SAMD5: variants seen among roughly 807,000 people sequenced by gnomAD.
SAMD5 encodes sterile alpha motif domain-containing protein 5.
In SAMD5, 13 loss-of-function variants were observed where a neutral mutation model predicts 11.3. The observed-to-expected ratio is 1.15, with a 90% CI of 0.75 to 1.83. The LOEUF (loss-of-function observed/expected upper bound fraction) is 1.83. Among genes scored for constraint, SAMD5 ranks in the 40% most tolerant of loss-of-function variants. The probability of loss-of-function intolerance (pLI) is 0.00; values close to 1 mark genes in which losing one functional copy is unlikely to be tolerated. For synonymous variants in SAMD5, 129 were observed against 111.3 expected, an observed-to-expected ratio of 1.16 and a Z score of -1.00; for missense variants, 255 against 239.1, an observed-to-expected ratio of 1.07 and a Z score of -0.44.
chr6:147,516,847 C>T (rs1788178896), intron 1 of SAMD5, among the ~76,000 whole-genome samples: 1 of 152,166 alleles, frequency 6.6e-6, no homozygotes, highest in Non-Finnish European at 1.5e-5. Context: ...TCAAAATTAG[C>T]AGCTTTGGGG....
At chr6:147,686,436 TA>T (rs1791013028) in intron 1 of SAMD5, among the ~76,000 whole-genome samples, 1 of 152,180 alleles carries the variant, frequency 6.6e-6, no homozygotes. Flanking sequence ...CATATGGAAT[TA>T]TTTTTTGTAT....
the SAMD5 span, among the ~76,000 whole-genome samples, chr6:147,883,165 G>T: frequency 6.6e-6 from 1 of 152,208 alleles, no homozygotes. Context: ...GGTTTTCCGT[G>T]ATTGAATGTA....
chr6:147,938,372 G>A, the SAMD5 span, among the ~76,000 whole-genome samples: 2 of 152,198 alleles, frequency 1.3e-5, no homozygotes, highest in Admixed American at 6.5e-5. Context: ...CTGATATTTA[G>A]TGAGTACCTC....
At chr6:147,697,089 C>T (rs1483162724) in intron 1 of SAMD5, among the ~76,000 whole-genome samples, 1 of 152,116 alleles carries the variant, frequency 6.6e-6, no homozygotes, top group African/African-American at 2.4e-5. Context: ...TCTGAGGTCC[C>T]TTTTGGGAGG....
intron 1 of SAMD5, among the ~76,000 whole-genome samples, chr6:147,640,950 C>T (rs188377853): frequency 7.2e-5 from 11 of 152,292 alleles, no homozygotes; most frequent in African/African-American, 2.6e-4. Flanking sequence ...TCCTCACCTC[C>T]TCAAAAATCC....
the SAMD5 span, among the ~76,000 whole-genome samples, chr6:147,894,937 C>T: frequency 8.5e-4 from 130 of 152,202 alleles, no homozygotes; most frequent in African/African-American, 2.6e-3. Context: ...ATTAGCATTT[C>T]GGTAATAGGA....
At chr6:147,882,219 A>T in the SAMD5 span, among the ~76,000 whole-genome samples, 5 of 152,124 alleles carry the variant, frequency 3.3e-5, no homozygotes, top group African/African-American at 1.2e-4. Flanking sequence ...ATAGAGTTAG[A>T]TATTATCTTG....
chr6:147,641,583 T>TC (rs1390114082), intron 1 of SAMD5, among the ~76,000 whole-genome samples: 9 of 151,722 alleles, frequency 5.9e-5, no homozygotes, highest in Non-Finnish European at 1.3e-4. Flanking sequence ...TTTTTTTTTT[T>TC]TGCTCAAAAG....
the SAMD5 span, among the ~76,000 whole-genome samples, chr6:147,768,508 AAAC>A: frequency 8.5e-5 from 13 of 152,256 alleles, no homozygotes; most frequent in East Asian, 5.8e-4. Flanking sequence ...AAACAAAACA[AAAC>A]AACAACAACA....
intron 1 of SAMD5, among the ~76,000 whole-genome samples, chr6:147,610,181 A>G (rs1289306556): frequency 3.3e-5 from 5 of 152,184 alleles, no homozygotes. Flanking sequence ...TTACATTTAT[A>G]TGTGAAAAGT....
intron 1 of SAMD5, among the ~76,000 whole-genome samples, chr6:147,678,808 G>T (rs913903250): frequency 2.6e-5 from 4 of 152,048 alleles, no homozygotes; most frequent in Non-Finnish European, 4.4e-5. Flanking sequence ...CTTTAATGAG[G>T]TATACTTGTC....
intron 1 of SAMD5, among the ~76,000 whole-genome samples, chr6:147,722,566 C>T (rs1222000091): frequency 6.6e-6 from 1 of 152,052 alleles, no homozygotes; most frequent in East Asian, 1.9e-4. Context: ...TGTTCATTTC[C>T]CTATATATTT....
At chr6:147,530,472 G>C (rs1338930269) in intron 1 of SAMD5, among the ~76,000 whole-genome samples, 1 of 152,234 alleles carries the variant, frequency 6.6e-6, no homozygotes, top group East Asian at 1.9e-4. Flanking sequence ...GGAGCACAAA[G>C]GGAAGCAGCC....
chr6:147,567,586 TTACACCCACA>T lies in SAMD5; in HGVS notation c.*3135_*3144del, dbSNP rs541138748. The T allele has an allele frequency of 1.8e-4, 167 of 936,404 alleles. 2 individuals are homozygous for T. The East Asian group carries it at 0.015, about 85-fold the overall frequency. The allele number at this position is 936,404 out of a possible 1,614,324, so 58.0% of individuals were successfully genotyped here. On this transcript the variant is annotated 3_prime_UTR_variant, in exon 2 of 2. Coordinates refer to ENST00000367474, the MANE Select transcript of SAMD5 (RefSeq NM_001030060.3). ...TTAAGAGGCTTAAGAGTTCTATGGCTTACACCCACATACAGTCCTTGGCTCAGTGCTAGGC... is the reference window on the plus strand; with the variant it reads ...TTAAGAGGCTTAAGAGTTCTATGGCTTACAGTCCTTGGCTCAGTGCTAGGC...
the SAMD5 span, among the ~76,000 whole-genome samples, chr6:147,928,383 G>A: frequency 6.6e-6 from 1 of 152,138 alleles, no homozygotes; most frequent in East Asian, 1.9e-4. Flanking sequence ...TTTCCTCCTG[G>A]TTCAGTCTTG....
At chr6:147,809,458 A>G in the SAMD5 span, among the ~76,000 whole-genome samples, 1 of 152,080 alleles carries the variant, frequency 6.6e-6, no homozygotes, top group African/African-American at 2.4e-5. Flanking sequence ...TTCTAAAGCT[A>G]TTGCCACTTG....
intron 1 of SAMD5, among the ~76,000 whole-genome samples, chr6:147,617,423 T>G (rs184605021): frequency 1.3e-4 from 20 of 152,318 alleles, no homozygotes; most frequent in Admixed American, 8.5e-4. Flanking sequence ...TTGGAATTGT[T>G]TTGTGACTTA....
At chr6:147,781,303 G>A in the SAMD5 span, among the ~76,000 whole-genome samples, 3 of 151,514 alleles carry the variant, frequency 2.0e-5, no homozygotes, top group Non-Finnish European at 2.9e-5. Context: ...CTACAGGGAC[G>A]TGCCACCATT....
intron 1 of SAMD5, among the ~76,000 whole-genome samples, chr6:147,555,239 T>G (rs1788836688): frequency 6.6e-6 from 1 of 152,220 alleles, no homozygotes; most frequent in Non-Finnish European, 1.5e-5. Flanking sequence ...AAATCTTGTC[T>G]CCTTGCAAAC....
Sources: gnomAD v4.1 joint callset for allele counts (sites outside exome capture counted in the v4.1 genomes callset) on GRCh38, gnomAD v4.1.1 for gene constraint, MANE v1.5 for transcripts, NCBI Gene and HGNC (gene_info 2026-07-23, HGNC 2026-07-21) for gene names.